MGST1: variants seen among roughly 807,000 people sequenced by gnomAD.
MGST1 encodes microsomal glutathione S-transferase 1.
MGST1 carries 5 observed loss-of-function variants against 8.9 expected under a neutral mutation model. The observed-to-expected ratio is 0.56, with a 90% CI of 0.29 to 1.19. The LOEUF is 1.19. Among genes scored for constraint, MGST1 ranks in the 50% most tolerant of loss-of-function variants. The probability of loss-of-function intolerance (pLI) is 0.08; values close to 1 mark genes in which losing one functional copy is unlikely to be tolerated. For missense variants in MGST1, 182 were observed against 187.4 expected (o/e 0.97, Z 0.17); for synonymous variants, 54 against 67.8 (o/e 0.80, Z 1.00).
rs1315009769 is a variant in MGST1 at position 16,541,565 on chromosome 12, C to T, written n.483-47963C>T. Reference sequence around the variant, plus strand: ...ATACACAAAATTAGACAAATTGTAACATTCTAATGGAAATACTAACTTTAC... The same window carrying T: ...ATACACAAAATTAGACAAATTGTAATATTCTAATGGAAATACTAACTTTAC... On this transcript the variant is annotated intron_variant and non_coding_transcript_variant, in intron 4 of 4. Coordinates refer to the MGST1 transcript ENST00000538857. 4.6e-5 allele frequency among the ~76,000 whole-genome samples: 7 copies of T among 152,248 alleles called. No individual in the cohort carries two copies. In the East Asian group the frequency reaches 1.2e-3, roughly 25 times the overall value.
At chr12:16,432,679 GACACACACACAC>G (rs36054419) in intron 1 of MGST1, among the ~76,000 whole-genome samples, 1,320 of 124,384 alleles carry the variant, frequency 0.011, 20 homozygotes, top group African/African-American at 0.031. Flanking sequence ...CTCTCTCTCT[GACACACACACAC>G]ACACACACAC....
intron 4 of MGST1, chr12:16,573,537 A>G (rs1942893363): frequency 6.6e-6 from 1 of 152,216 alleles, no homozygotes; most frequent in Non-Finnish European, 1.5e-5. Context: ...GTCAGCTGCA[A>G]AGGCGATAAG....
rs574882803 is a variant in MGST1 at position 16,470,563 on chromosome 12, T to A, written n.482+86959T>A. On this transcript the variant is annotated intron_variant and non_coding_transcript_variant, in intron 4 of 4. Transcript: ENST00000538857. ...GTAATTTGTGTTGTGTTGATCCCCA[T>A]CATAACAGGAGAGTAATCATGGATG... 7.2e-5 allele frequency among the ~76,000 whole-genome samples: 11 copies of A among 152,300 alleles called. No individual in the cohort carries two copies. In the East Asian group the frequency reaches 2.1e-3, roughly 29 times the overall value.
In MGST1 at chr12:16,560,262, G is replaced by T; in HGVS notation, n.483-29266G>T. On this transcript the variant is annotated intron_variant and non_coding_transcript_variant, in intron 4 of 4. Coordinates refer to the MGST1 transcript ENST00000538857. The surrounding 1 kb of genome is among the most constrained non-coding windows in gnomAD (Gnocchi z 5.0). ...CTTAAGACCTTTCTTCTCCTTAGTA[G>T]CTTGTCTCTGGCATGGGATTAAAGT... 1 of 735,218 alleles carries T rather than the reference G, an allele frequency of 1.4e-6. No individual in the cohort carries two copies. Among genetic ancestry groups the T allele is most frequent in the Non-Finnish European group, 2.1e-6 (1 of 485,986 alleles). 45.5% of individuals were successfully genotyped at this position (735,218 alleles called of 1,614,324 possible).
chr12:16,455,291 G>A (rs942165570), intron 4 of MGST1, among the ~76,000 whole-genome samples: 3 of 151,956 alleles, frequency 2.0e-5, no homozygotes, highest in South Asian at 2.1e-4. Flanking sequence ...ACAAATTTAT[G>A]ATATGAGTAC....
At chr12:16,438,582 A>G (rs1941010563) in exon 2 of MGST1, 1 of 151,882 alleles carries the variant, frequency 6.6e-6, no homozygotes, top group African/African-American at 2.4e-5. Flanking sequence ...ATAGAAGGAT[A>G]TTTAAATTCT....
chr12:16,475,088 G>C (rs191054169), intron 4 of MGST1, among the ~76,000 whole-genome samples: 2 of 152,154 alleles, frequency 1.3e-5, no homozygotes, highest in East Asian at 1.9e-4. Context: ...GGGAAACAAA[G>C]GGTACAATCA....
intron 4 of MGST1, chr12:16,551,246 TTC>T (rs1393659944): frequency 6.2e-7 from 1 of 1,611,672 alleles, no homozygotes; most frequent in Non-Finnish European, 8.5e-7. Flanking sequence ...GTGCATAACC[TTC>T]TTTCATTAAA....
intron 4 of MGST1, among the ~76,000 whole-genome samples, chr12:16,566,203 T>C (rs1242029076): frequency 1.3e-5 from 2 of 150,472 alleles, no homozygotes; most frequent in Admixed American, 6.6e-5. Flanking sequence ...GTCGACATCA[T>C]AGAAGGAGAA....
chr12:16,504,452 T>A (rs942069327), intron 4 of MGST1, among the ~76,000 whole-genome samples: 3 of 152,136 alleles, frequency 2.0e-5, no homozygotes, highest in Non-Finnish European at 2.9e-5. Context: ...TAGGGGGGAC[T>A]TTTTTCCTTT....
chr12:16,412,204 A>G (rs1940747979), intron 1 of MGST1, among the ~76,000 whole-genome samples: 1 of 152,172 alleles, frequency 6.6e-6, no homozygotes, highest in Non-Finnish European at 1.5e-5. Context: ...TTGAATCCAA[A>G]CCACTAAATG....
In MGST1 at chr12:16,401,071, A is replaced by G. The variant is rs1591717930; in HGVS notation, n.778+17467A>G. On this transcript the variant is annotated intron_variant and non_coding_transcript_variant, in intron 1 of 1. Coordinates refer to the MGST1 transcript ENST00000359720. This position sits in a 1 kb window ranked among gnomAD's most constrained non-coding sequence, Gnocchi z 4.3. ...TAATGCTGCCCGAGAACCTCTTCCC[A>G]AAAGGTCCTCTGCCTCATCTTTCTC... The G allele has an allele frequency of 1.9e-6, 3 of 1,593,522 alleles. No individual in the cohort carries two copies. Among genetic ancestry groups the G allele is most frequent in the East Asian group, 4.5e-5 (2 of 44,714 alleles).
At chr12:16,348,935 G>T (rs1288688331) in intron 1 of MGST1, 1 of 152,012 alleles carries the variant, frequency 6.6e-6, no homozygotes, top group African/African-American at 2.4e-5. Context: ...AGGAGGTCAG[G>T]TCAGCACAGA....
chr12:16,569,646 A>G (rs1942740906), intron 4 of MGST1, among the ~76,000 whole-genome samples: 1 of 152,194 alleles, frequency 6.6e-6, no homozygotes, highest in African/African-American at 2.4e-5. Context: ...TGGCAATTGT[A>G]CCAACATTTC....
At chr12:16,527,016 CAGA>C (rs928551303) in intron 4 of MGST1, among the ~76,000 whole-genome samples, 11 of 151,962 alleles carry the variant, frequency 7.2e-5, no homozygotes, top group African/African-American at 2.7e-4. Flanking sequence ...CCATCCTGAG[CAGA>C]AGAATTCCTA....
intron 4 of MGST1, among the ~76,000 whole-genome samples, chr12:16,530,005 C>G (rs1027356983): frequency 2.0e-5 from 3 of 152,084 alleles, no homozygotes; most frequent in African/African-American, 7.2e-5. Flanking sequence ...CAAAGCATTC[C>G]TGGTTGTTCT....
Position 16,401,689 on chromosome 12 carries a change from G to A in MGST1, n.778+18085G>A. 6.2e-7 allele frequency: 1 copy of A among 1,603,450 alleles called. No homozygotes were observed. Among genetic ancestry groups the A allele is most frequent in the African/African-American group, 1.3e-5 (1 of 74,836 alleles). On this transcript the variant is annotated intron_variant and non_coding_transcript_variant, in intron 1 of 1. Coordinates refer to the MGST1 transcript ENST00000359720. This position sits in a 1 kb window ranked among gnomAD's most constrained non-coding sequence, Gnocchi z 4.3. ...TAGTTGCCACCACTCTGAATGATAG[G>A]AGGGTAACACATTTCCACAGTAGAA...
At chr12:16,575,740 A>G (rs771025730) in intron 4 of MGST1, among the ~76,000 whole-genome samples, 2 of 152,210 alleles carry the variant, frequency 1.3e-5, no homozygotes, top group African/African-American at 2.4e-5. Context: ...AAGGAGCCTC[A>G]GAGGCTATTC....
chr12:16,402,489 G>A (rs1415622087), intron 1 of MGST1: 3 of 1,400,996 alleles, frequency 2.1e-6, no homozygotes, highest in African/African-American at 1.4e-5. Flanking sequence ...ACCTGCTCTC[G>A]GCCCAGGAAT....
Sources: gnomAD v4.1 joint callset for allele counts (sites outside exome capture counted in the v4.1 genomes callset) on GRCh38, gnomAD v4.1.1 for gene constraint, Gnocchi (gnomAD v3.1) non-coding constraint, MANE v1.5 for transcripts, NCBI Gene and HGNC (gene_info 2026-07-23, HGNC 2026-07-21) for gene names.